The following USP6 variants were observed in gnomAD, a reference collection of about 807,000 sequenced individuals.
USP6 encodes ubiquitin specific peptidase 6.
USP6 carries 128 observed loss-of-function variants against 175.7 expected under a neutral mutation model. That is an observed-to-expected ratio of 0.73 (90% CI 0.63 to 0.84). USP6 has a LOEUF of 0.84. Ranked by LOEUF, USP6 falls within the 40% of genes least tolerant of loss-of-function variation. USP6 has a pLI of 0.00. For synonymous variants in USP6, 562 were observed against 630.6 expected, an observed-to-expected ratio of 0.89 and a Z score of 1.63; for missense variants, 1,498 against 1,760.3, an observed-to-expected ratio of 0.85 and a Z score of 2.67.
chr17:5,138,808 C>T (rs1317197902), intron 21 of USP6, among the ~76,000 whole-genome samples: 8 of 152,162 alleles, frequency 5.3e-5, no homozygotes, highest in African/African-American at 1.2e-4. Context: ...GATGTGGGAA[C>T]GGTCAGTCCT....
chr17:5,163,249 G>A (rs1225297869), intron 33 of USP6, among the ~76,000 whole-genome samples: 4 of 152,128 alleles, frequency 2.6e-5, no homozygotes, highest in Non-Finnish European at 4.4e-5. Context: ...ACGTGAGGCT[G>A]GTAACTTACA....
intron 33 of USP6, among the ~76,000 whole-genome samples, chr17:5,164,014 A>T (rs1347746380): frequency 6.6e-6 from 1 of 152,238 alleles, no homozygotes; most frequent in Non-Finnish European, 1.5e-5. Flanking sequence ...AATCAACCAA[A>T]TATTATTTGA....
Position 5,135,285 on chromosome 17 carries a change from G to A in USP6, c.543+3G>A, listed in dbSNP as rs1180785469. 1 of 1,612,694 alleles carries A rather than the reference G, an allele frequency of 6.2e-7. No individual in the cohort carries two copies. Among genetic ancestry groups the A allele is most frequent in the Non-Finnish European group, 8.5e-7 (1 of 1,178,994 alleles). On this transcript the variant is annotated splice_donor_region_variant and intron_variant, in intron 16 of 37. Transcript: ENST00000574788. ...TGGCCTATTCGGAGTATAACCCGGT[G>A]AGTATTCCCGGCAGTGAGGTTCCCA...
chr17:5,146,313 G>A, intron 28 of USP6, 139 bp downstream of exon 28: 2 of 1,275,786 alleles, frequency 1.6e-6, no homozygotes, highest in Non-Finnish European at 2.1e-6. Context: ...AACAAAAAAT[G>A]CCAAGTTTTC....
chr17:5,161,861 A>C (rs1255499302), intron 32 of USP6, among the ~76,000 whole-genome samples: 1 of 151,998 alleles, frequency 6.6e-6, no homozygotes, highest in African/African-American at 2.4e-5. Flanking sequence ...AAAATACAAA[A>C]ATTAGTGGGG....
At chr17:5,118,636 A>G (rs1008488493) in intron 2 of USP6, among the ~76,000 whole-genome samples, 6 of 152,238 alleles carry the variant, frequency 3.9e-5, no homozygotes, top group Admixed American at 2.0e-4. Context: ...TGGGTAGCCA[A>G]ACTTGGTGGG....
In USP6 at chr17:5,133,781, T is replaced by G. The variant is rs1598001711; in HGVS notation, c.385-106T>G. ...GCTTTCTGCAGAAGGAAACCTTCCTTCTTTCCTTCCTTCCCGAAGTGCTGA... is the reference window on the plus strand; with the variant it reads ...GCTTTCTGCAGAAGGAAACCTTCCTGCTTTCCTTCCTTCCCGAAGTGCTGA... On this transcript the variant is annotated intron_variant, in intron 14 of 37. Transcript: ENST00000574788. 3.0e-6 allele frequency: 4 copies of G among 1,333,684 alleles called. No individual in the cohort carries two copies. In the East Asian group the frequency reaches 9.2e-5, roughly 31 times the overall value. The allele number at this position is 1,333,684 out of a possible 1,614,324, so 82.6% of individuals were successfully genotyped here.
At chr17:5,140,473 T>G (rs901928824) in intron 22 of USP6, among the ~76,000 whole-genome samples, 5 of 152,116 alleles carry the variant, frequency 3.3e-5, no homozygotes, top group Admixed American at 2.0e-4. Flanking sequence ...GTCAGGAGGC[T>G]GAGGCAGGAG....
At chr17:5,120,319 G>A (rs762917981) in intron 2 of USP6, among the ~76,000 whole-genome samples, 9 of 152,190 alleles carry the variant, frequency 5.9e-5, no homozygotes, top group African/African-American at 7.2e-5. Context: ...GAGTGAGGTC[G>A]CCTGTGGTCA....
rs897568240 is a variant in USP6, at chr17:5,130,092, G to T, written c.-2+3G>T. 2.2e-6 allele frequency: 1 copy of T among 459,902 alleles called. No individual in the cohort carries two copies. Among genetic ancestry groups the T allele is most frequent in the East Asian group, 4.1e-5 (1 of 24,346 alleles). The allele number at this position is 459,902 out of a possible 1,614,324, so 28.5% of individuals were successfully genotyped here. On this transcript the variant is annotated splice_donor_region_variant and intron_variant, in intron 9 of 37. Coordinates refer to ENST00000574788, the MANE Select transcript of USP6 (RefSeq NM_001304284.2). ...CACCATTCAACCTGCCGGGGCAGGT[G>T]TGTGCCCATTTCATGGCATATGGGG... is the stretch of plus-strand genomic sequence containing the variant.
chr17:5,142,576 T>C, intron 25 of USP6, 74 bp downstream of exon 25: 1 of 1,514,626 alleles, frequency 6.6e-7, no homozygotes, highest in Non-Finnish European at 8.9e-7. Context: ...TACTTGTTTT[T>C]TGTGTTTAGC....
chr17:5,126,457 C>T (rs1173235902), intron 6 of USP6, among the ~76,000 whole-genome samples: 2 of 152,172 alleles, frequency 1.3e-5, no homozygotes, highest in African/African-American at 2.4e-5. Flanking sequence ...CTCTAAGCAG[C>T]AGGCAGAAGA....
intron 7 of USP6, chr17:5,128,538 C>G (rs149540322): frequency 6.6e-6 from 1 of 152,350 alleles, no homozygotes; most frequent in Admixed American, 6.5e-5. Context: ...GTCCTGGGCT[C>G]CGGGGGTGAC....
chr17:5,145,170 G>A (rs2073571060), intron 26 of USP6, among the ~76,000 whole-genome samples: 1 of 152,054 alleles, frequency 6.6e-6, no homozygotes, highest in South Asian at 2.1e-4. Flanking sequence ...TGACCAATAG[G>A]CATGCTTTAT....
Position 5,173,851 on chromosome 17 carries a change from T to G in USP6, c.*873T>G, listed in dbSNP as rs2074273904. 4.5e-6 allele frequency: 1 copy of G among 223,430 alleles called. No individual in the cohort carries two copies. Among genetic ancestry groups the G allele is most frequent in the African/African-American group, 2.2e-5 (1 of 44,952 alleles). The allele number at this position is 223,430 out of a possible 1,614,324, so 13.8% of individuals were successfully genotyped here. On this transcript the variant is annotated 3_prime_UTR_variant, in exon 38 of 38. Coordinates refer to ENST00000574788, the MANE Select transcript of USP6 (RefSeq NM_001304284.2). ...ACATGCACATGTTGCAACAAGAGCT[T>G]CTGGGAAGGTAAGCGGCATCGGAGC...
chr17:5,163,389 C>A (rs2074042041), intron 33 of USP6, among the ~76,000 whole-genome samples: 1 of 152,198 alleles, frequency 6.6e-6, no homozygotes, highest in South Asian at 2.1e-4. Context: ...AGAACAGACA[C>A]AGGCAAGAGG....
Position 5,139,338 on chromosome 17 carries a change from G to T in USP6, c.1162G>T (p.Ala388Ser), listed in dbSNP as rs1181787576. The stretch of plus-strand genomic sequence containing the variant: ...GACCCTCTGCAAGGGGTATAGGCAG[G>T]CCCCTCCAGGCCCACCAGCCCAGTT... The part of the protein sequence containing the change: ...GKTLCKGYRQ[A>S]PPGPPAQFQR... The change falls in exon 22 of 38, where the codon GCC becomes TCC. Residue 388 changes from alanine to serine, a missense_variant. Ala to Ser is a moderately conservative substitution (Grantham distance 99, BLOSUM62 1). Around this residue, in one of 2 missense-constraint regions of USP6, gnomAD observed 1,217 missense variants for 1,500.8 expected, o/e 0.81. Transcript: ENST00000574788. 3 of 1,612,114 alleles carry T rather than the reference G, an allele frequency of 1.9e-6. No individual in the cohort carries two copies. The highest frequency in any genetic ancestry group is 3.3e-5 in the Admixed American group (2 of 60,014).
Position 5,132,509 on chromosome 17 carries a change from G to A in USP6, c.195+74G>A. 1 of 1,611,400 alleles carries A rather than the reference G, an allele frequency of 6.2e-7. No homozygotes were observed. Among genetic ancestry groups the A allele is most frequent in the Non-Finnish European group, 8.5e-7 (1 of 1,179,326 alleles). ...GCGGGTGGTCAGTGAGGCAGAGGAAGCAGCTGGCCTGGGCGGTGGCGGGTG... is the reference window on the plus strand; with the variant it reads ...GCGGGTGGTCAGTGAGGCAGAGGAAACAGCTGGCCTGGGCGGTGGCGGGTG... On this transcript the variant is annotated intron_variant, in intron 12 of 37. Transcript: ENST00000574788. This position sits in a 1 kb window ranked among gnomAD's most constrained non-coding sequence, Gnocchi z 4.7.
At chr17:5,133,046 G>GC in intron 13 of USP6, 56 bp downstream of exon 13, 1 of 1,581,910 alleles carries the variant, frequency 6.3e-7, no homozygotes, top group East Asian at 2.2e-5. Flanking sequence ...CAGGGGACAG[G>GC]CACCCATGGC....
Sources: gnomAD v4.1 joint callset for allele counts (sites outside exome capture counted in the v4.1 genomes callset) on GRCh38, gnomAD v4.1.1 for gene constraint, gnomAD v4.1.1 regional missense constraint, Gnocchi (gnomAD v3.1) non-coding constraint, MANE v1.5 for transcripts, NCBI Gene and HGNC (gene_info 2026-07-23, HGNC 2026-07-21) for gene names.